The following DMD variants were observed in gnomAD, a reference collection of about 807,000 sequenced individuals.
The protein encoded by DMD is mutant dystrophin.
Under a neutral mutation model 330.1 loss-of-function variants are expected in DMD, and 63 were observed. The ratio of observed to expected loss-of-function variants is 0.19; its 90% CI spans 0.16 to 0.24. The LOEUF is 0.24. Ranked by LOEUF, DMD falls within the 10% of genes least tolerant of loss-of-function variation. The pLI is 1.00. For synonymous variants in DMD, 1,223 were observed against 959.8 expected (o/e 1.27, Z -5.07); for missense variants, 3,344 against 2,684.1 (o/e 1.25, Z -5.43).
intron 62 of DMD, among the ~76,000 whole-genome samples, chrX:31,284,864 C>CACA (rs1569517175): frequency 5.8e-4 from 49 of 84,570 alleles, no homozygotes; most frequent in Middle Eastern, 6.3e-3. Flanking sequence ...ACACACACAC[C>CACA]CACACCCACA....
intron 7 of DMD, among the ~76,000 whole-genome samples, chrX:32,727,373 C>G (rs2067006450): frequency 9.0e-6 from 1 of 110,844 alleles, no homozygotes; most frequent in Non-Finnish European, 1.9e-5. Flanking sequence ...AATGGTTTCA[C>G]GAGACCATTG....
At chrX:33,202,754 G>T (rs1335504629) in intron 1 of DMD, among the ~76,000 whole-genome samples, 2 of 111,575 alleles carry the variant, frequency 1.8e-5, no homozygotes, top group Non-Finnish European at 3.8e-5. Flanking sequence ...ATTTATGATT[G>T]ATTTGTACCA....
chrX:33,236,138 G>A (rs946665837), intron 1 of DMD, among the ~76,000 whole-genome samples: 7 of 107,541 alleles, frequency 6.5e-5, no homozygotes, highest in African/African-American at 1.7e-4. Context: ...GGATGGTCTC[G>A]ATCTCATGAC....
intron 44 of DMD, among the ~76,000 whole-genome samples, chrX:32,180,796 T>C (rs942087660): frequency 5.4e-5 from 6 of 110,818 alleles, no homozygotes; most frequent in Non-Finnish European, 9.5e-5. Context: ...AAGAGCCCCT[T>C]ATAAAACAAT....
In DMD at chrX:32,026,552, TGA is replaced by T. The variant is rs759467332; in HGVS notation, c.6439-58040_6439-58039del. On this transcript the variant is annotated intron_variant, in intron 44 of 78. Transcript: ENST00000357033. ...TGAAAATTAATGTAGTTCAGCTGCC[TGA>T]GATTTAATATGCTGCCAAAACAAAA... is the stretch of plus-strand genomic sequence containing the variant. Among the ~76,000 whole-genome samples, 6 of 112,713 alleles carry T rather than the reference TGA, an allele frequency of 5.3e-5. No homozygotes were observed. In the South Asian group the frequency reaches 2.2e-3, roughly 41 times the overall value.
chrX:31,922,567 G>A (rs1469395072), intron 47 of DMD, among the ~76,000 whole-genome samples: 1 of 108,790 alleles, frequency 9.2e-6, no homozygotes, highest in Non-Finnish European at 1.9e-5. Flanking sequence ...GGCAGACCTC[G>A]GTACTGAGCC....
chrX:33,064,136 G>C lies in DMD; in HGVS notation c.32-43936C>G, dbSNP rs12116325. 7.8e-3 allele frequency among the ~76,000 whole-genome samples: 867 copies of C among 110,695 alleles called. 11 individuals carry two copies. The highest frequency in any genetic ancestry group is 0.027 in the African/African-American group (824 of 30,464). ...AAACTCATTTTGATAGGGCACAGTA[G>C]TGATTTCCTGGTGTAATAACAATCC... is the stretch of plus-strand genomic sequence containing the variant. On this transcript the variant is annotated intron_variant, in intron 1 of 78. Transcript: ENST00000357033.
chrX:33,251,054 G>A (rs917185576), intron 1 of DMD, among the ~76,000 whole-genome samples: 1 of 110,356 alleles, frequency 9.1e-6, no homozygotes, highest in Non-Finnish European at 1.9e-5. Context: ...AAATCATGGT[G>A]TTTATTTTTT....
At chrX:32,793,677 C>T (rs955845008) in intron 7 of DMD, among the ~76,000 whole-genome samples, 2 of 111,367 alleles carry the variant, frequency 1.8e-5, no homozygotes, top group Admixed American at 1.9e-4. Flanking sequence ...TATAAATTCC[C>T]GGACACATAC....
At chrX:31,637,532 T>C (rs955544166) in intron 54 of DMD, among the ~76,000 whole-genome samples, 4 of 111,084 alleles carry the variant, frequency 3.6e-5, no homozygotes, top group African/African-American at 1.3e-4. Context: ...TTCATCATCG[T>C]CATCACCATT....
chrX:31,314,553 C>T (rs1404744167), intron 62 of DMD, among the ~76,000 whole-genome samples: 2 of 111,070 alleles, frequency 1.8e-5, no homozygotes, highest in South Asian at 3.8e-4. Flanking sequence ...TCACAGAAAA[C>T]GTGATCATTT....
intron 45 of DMD, among the ~76,000 whole-genome samples, chrX:31,943,889 GA>G (rs1569519581): frequency 1.7e-3 from 102 of 60,110 alleles, no homozygotes; most frequent in African/African-American, 7.3e-3. Context: ...GAGAGAGAGA[GA>G]GAGAGAGAGA....
rs150712651 is a variant in DMD, at chrX:32,059,617, C to T, written c.6439-91103G>A. On this transcript the variant is annotated intron_variant, in intron 44 of 78. Coordinates refer to ENST00000357033, the MANE Select transcript of DMD (RefSeq NM_004006.3). ...GTAGATTATTCCAGGCTTTAAATTC[C>T]GAAATATTTAGAGAGTAAGAAGGAC... Among the ~76,000 whole-genome samples, 470 of 110,997 alleles carry T rather than the reference C, an allele frequency of 4.2e-3. 1 individual carries two copies. The highest frequency in any genetic ancestry group is 9.1e-3 in the Middle Eastern group (2 of 219).
intron 43 of DMD, among the ~76,000 whole-genome samples, chrX:32,250,949 T>G (rs753724109): frequency 6.8e-4 from 74 of 108,704 alleles, no homozygotes; most frequent in Non-Finnish European, 1.3e-3. Flanking sequence ...GAACAGAAAA[T>G]GAAACACTGC....
intron 1 of DMD, among the ~76,000 whole-genome samples, chrX:33,327,909 A>G (rs1450261891): frequency 8.9e-6 from 1 of 112,231 alleles, no homozygotes; most frequent in Admixed American, 9.5e-5. Flanking sequence ...ATTAGCTAAA[A>G]TAACGCATGA....
intron 5 of DMD, 34 bp from the exon 6 acceptor site, chrX:32,816,674 C>A: frequency 1.7e-6 from 2 of 1,179,248 alleles, no homozygotes; most frequent in Non-Finnish European, 2.3e-6. Context: ...TAAGAAAATG[C>A]ATTCCTTGAG....
chrX:33,142,628 A>G (rs1219699381), intron 1 of DMD, among the ~76,000 whole-genome samples: 2 of 112,256 alleles, frequency 1.8e-5, no homozygotes, highest in African/African-American at 6.5e-5. Context: ...CGAATAAATG[A>G]AAGTGACAGG....
chrX:31,576,934 G>A (rs968593064), intron 55 of DMD, among the ~76,000 whole-genome samples: 1 of 110,151 alleles, frequency 9.1e-6, no homozygotes, highest in South Asian at 3.9e-4. Flanking sequence ...CCAGGATGGT[G>A]TCGATCTCCT....
intron 74 of DMD, among the ~76,000 whole-genome samples, chrX:31,169,157 T>C (rs938769925): frequency 9.0e-6 from 1 of 110,829 alleles, no homozygotes; most frequent in Non-Finnish European, 1.9e-5. Context: ...TATTCTGAAA[T>C]ATAAAATCAA....
Sources: allele counts gnomAD v4.1 joint callset (sites outside exome capture counted in the v4.1 genomes callset), GRCh38; gene constraint gnomAD v4.1.1; transcripts MANE v1.5; gene names NCBI Gene and HGNC (gene_info 2026-07-23, HGNC 2026-07-21).